GATA6: variants seen among roughly 807,000 people sequenced by gnomAD.
GATA6 encodes the protein transcription factor GATA-6.
GATA6 carries 11 observed loss-of-function variants against 48.1 expected under a neutral mutation model. The observed-to-expected ratio is 0.23, with a 90% CI of 0.14 to 0.38. The LOEUF (loss-of-function observed/expected upper bound fraction) is 0.38, where lower values mean the gene tolerates loss of function less well. GATA6 is among the 10% of genes least tolerant of loss of function. The pLI is 1.00. For missense variants in GATA6, 795 were observed against 850.3 expected, an observed-to-expected ratio of 0.93 and a Z score of 0.81; for synonymous variants, 419 against 396.1, an observed-to-expected ratio of 1.06 and a Z score of -0.69.
At chr18:22,192,561 T>C (rs752738859) in intron 6 of GATA6, among the ~76,000 whole-genome samples, 3 of 152,214 alleles carry the variant, frequency 2.0e-5, no homozygotes, top group Admixed American at 6.5e-5. Context: ...TTTAAGTGCA[T>C]TGTAAATGCT....
intron 6 of GATA6, among the ~76,000 whole-genome samples, chr18:22,197,353 A>AGCCAATT (rs2033403588): frequency 6.6e-6 from 1 of 152,160 alleles, no homozygotes; most frequent in South Asian, 2.1e-4. Flanking sequence ...CGCCTGGCCT[A>AGCCAATT]GCCAATTTAA....
intron 3 of GATA6, 30 bp downstream of exon 3, chr18:22,177,151 G>C (rs984833332): frequency 1.3e-6 from 2 of 1,534,630 alleles, no homozygotes; most frequent in Admixed American, 4.0e-5. Flanking sequence ...CCCCTGGCTC[G>C]CGGCCGGCCC....
At position 22,170,290 on chromosome 18, in the gene GATA6, G is replaced by C. The variant is rs977869757; in HGVS notation, c.-38+608G>C. Among the ~76,000 whole-genome samples, 2 of 152,210 alleles carry C rather than the reference G, an allele frequency of 1.3e-5. No homozygotes were observed. The highest frequency in any genetic ancestry group is 4.8e-5 in the African/African-American group (2 of 41,458). ...TTTCTGCTGCTGGAGATGACCGCGG[G>C]GTGGGCCGGGTGGCCCGGCCGGCGT... On this transcript the variant is annotated intron_variant, in intron 1 of 6. Coordinates refer to ENST00000269216, the MANE Select transcript of GATA6 (RefSeq NM_005257.6). This position sits in a 1 kb window ranked among gnomAD's most constrained non-coding sequence, Gnocchi z 6.7.
At chr18:22,179,495 T>G (rs2033167573) in intron 3 of GATA6, among the ~76,000 whole-genome samples, 1 of 152,226 alleles carries the variant, frequency 6.6e-6, no homozygotes, top group Admixed American at 6.5e-5. Context: ...TTGACAGTCA[T>G]AAAGTCCTTT....
At chr18:22,194,650 T>G (rs1299164869) in intron 6 of GATA6, among the ~76,000 whole-genome samples, 1 of 152,184 alleles carries the variant, frequency 6.6e-6, no homozygotes, top group Non-Finnish European at 1.5e-5. Flanking sequence ...TACGTGTGTT[T>G]GTATGTGTGT....
chr18:22,184,749 T>G (rs2033243228), intron 6 of GATA6, among the ~76,000 whole-genome samples: 2 of 152,044 alleles, frequency 1.3e-5, no homozygotes. Context: ...TCCACCTACC[T>G]CAGCCTCCCA....
Position 22,171,349 on chromosome 18 carries a change from G to T in GATA6, c.205G>T (p.Ala69Ser), listed in dbSNP as rs1487882095. The T allele has an allele frequency of 6.3e-7, 1 of 1,585,820 alleles. No individual in the cohort carries two copies. Among genetic ancestry groups the T allele is most frequent in the Admixed American group, 1.7e-5 (1 of 58,824 alleles). The change falls in exon 2 of 7, where the codon GCG becomes TCG. Residue 69 changes from alanine (A) to serine (S), a missense_variant. By Grantham distance (99) the Ala-to-Ser change is moderately conservative. Coordinates refer to ENST00000269216, the MANE Select transcript of GATA6 (RefSeq NM_005257.6). This position sits in a 1 kb window ranked among gnomAD's most constrained non-coding sequence, Gnocchi z 7.1. ...CGGGACGCCTCAGCTCGACACGGAG[G>T]CGGCGGCCGGACCCCCGGCCCGCTC... ...NCGTPQLDTE[A>S]AAGPPARSLL... is the part of the protein sequence containing the mutation.
At chr18:22,188,942 T>C (rs934366912) in intron 6 of GATA6, among the ~76,000 whole-genome samples, 1 of 152,180 alleles carries the variant, frequency 6.6e-6, no homozygotes, top group Admixed American at 6.5e-5. Context: ...GAAATGTGTT[T>C]CCTCACCTTT....
chr18:22,171,095 C>CCT lies in GATA6; in HGVS notation c.-37-13_-37-12insCT. ...GATCTCCTACCATACCCGTCTCCCC[C>CCT]ACCCCACCTCAGGAGCTAGACGTCA... On this transcript the variant is annotated splice_polypyrimidine_tract_variant and intron_variant, in intron 1 of 6. Coordinates refer to ENST00000269216, the MANE Select transcript of GATA6 (RefSeq NM_005257.6). The surrounding 1 kb of genome is among the most constrained non-coding windows in gnomAD (Gnocchi z 7.1). The CCT allele has an allele frequency of 6.5e-7, 1 of 1,538,132 alleles. No homozygotes were observed.
rs1339483342 is a variant in GATA6 at position 22,171,447 on chromosome 18, C to A, written c.303C>A (p.Gly101=). 4 of 1,595,190 alleles carry A rather than the reference C, an allele frequency of 2.5e-6. No homozygotes were observed. In the South Asian group the frequency reaches 3.3e-5, roughly 13 times the overall value. Residue 101 remains glycine (G), a synonymous_variant, in exon 2 of 7, where the codon GGC becomes GGA. Transcript: ENST00000269216. The surrounding 1 kb of genome is among the most constrained non-coding windows in gnomAD (Gnocchi z 7.1). ...GACCTTCGGCGCCTGGGGTCGCGGGCCCCGGGGGCAACCTGTCGAGCTGGG... is the reference window on the plus strand; with the variant it reads ...GACCTTCGGCGCCTGGGGTCGCGGGACCCGGGGGCAACCTGTCGAGCTGGG... ...PHGPSAPGVA[G]PGGNLSSWED... is the part of the protein sequence containing the mutation.
chr18:22,200,281 C>T (rs552119109), intron 6 of GATA6, among the ~76,000 whole-genome samples: 5 of 152,084 alleles, frequency 3.3e-5, no homozygotes, highest in African/African-American at 4.8e-5. Context: ...GCCTATTCAC[C>T]CACACAGTGA....
Position 22,171,811 on chromosome 18 carries a change from C to G in GATA6, c.667C>G (p.Pro223Ala). ...ANHAGGAGAH[P>A]GWPQASADSP... Reference sequence around the variant, plus strand: ...CCACGCGGGCGGCGCGGGCGCGCACCCCGGCTGGCCTCAGGCCTCGGCCGA... The same window carrying G: ...CCACGCGGGCGGCGCGGGCGCGCACGCCGGCTGGCCTCAGGCCTCGGCCGA... The change falls in exon 2 of 7, where the codon CCC becomes GCC. Residue 223 changes from proline (P) to alanine (A), a missense_variant. Coordinates refer to ENST00000269216, the MANE Select transcript of GATA6 (RefSeq NM_005257.6). This position sits in a 1 kb window ranked among gnomAD's most constrained non-coding sequence, Gnocchi z 7.1. 7.8e-7 allele frequency: 1 copy of G among 1,287,062 alleles called. No homozygotes were observed. Among genetic ancestry groups the G allele is most frequent in the South Asian group, 2.6e-5 (1 of 39,100 alleles). 79.7% of individuals were successfully genotyped at this position (1,287,062 alleles called of 1,614,324 possible).
At chr18:22,186,388 G>A (rs996155998) in intron 6 of GATA6, among the ~76,000 whole-genome samples, 1 of 152,144 alleles carries the variant, frequency 6.6e-6, no homozygotes. Flanking sequence ...GTAAAAAACT[G>A]TTCCAGAGGC....
At chr18:22,184,416 T>C (rs1016384079) in intron 6 of GATA6, among the ~76,000 whole-genome samples, 5 of 152,110 alleles carry the variant, frequency 3.3e-5, no homozygotes, top group African/African-American at 9.7e-5. Context: ...TGTTGTGTTT[T>C]ACAGGCAGGT....
chr18:22,171,349 G>A lies in GATA6; in HGVS notation c.205G>A (p.Ala69Thr), dbSNP rs1487882095. 1.9e-6 allele frequency: 3 copies of A among 1,585,820 alleles called. No homozygotes were observed. Among genetic ancestry groups the A allele is most frequent in the Non-Finnish European group, 2.6e-6 (3 of 1,173,318 alleles). Reference protein sequence around the residue: ...NCGTPQLDTEAAAGPPARSLL... With the variant: ...NCGTPQLDTETAAGPPARSLL... Reference sequence around the variant, plus strand: ...CGGGACGCCTCAGCTCGACACGGAGGCGGCGGCCGGACCCCCGGCCCGCTC... The same window carrying A: ...CGGGACGCCTCAGCTCGACACGGAGACGGCGGCCGGACCCCCGGCCCGCTC... Residue 69 changes from alanine to threonine, a missense_variant, in exon 2 of 7, where the codon GCG becomes ACG. Transcript: ENST00000269216. The surrounding 1 kb of genome is among the most constrained non-coding windows in gnomAD (Gnocchi z 7.1).
chr18:22,171,600 C>A lies in GATA6; in HGVS notation c.456C>A (p.Ala152=). 1.2e-6 allele frequency: 2 copies of A among 1,601,494 alleles called. No individual in the cohort carries two copies. The highest frequency in any genetic ancestry group is 1.3e-5 in the African/African-American group (1 of 74,912). The change falls in exon 2 of 7, where the codon GCC becomes GCA. Residue 152 remains alanine (A), a synonymous_variant. Coordinates refer to ENST00000269216, the MANE Select transcript of GATA6 (RefSeq NM_005257.6). This position sits in a 1 kb window ranked among gnomAD's most constrained non-coding sequence, Gnocchi z 7.1. ...CGGAGGAGATGTACCAGACCCTCGC[C>A]GCTCTCTCCAGCCAGGGTCCGGCCG... ...EQPEEMYQTL[A]ALSSQGPAAY...
Position 22,171,411 on chromosome 18 carries a change from G to T in GATA6, c.267G>T (p.Gly89=). 6.3e-7 allele frequency: 1 copy of T among 1,588,914 alleles called. No individual in the cohort carries two copies. The highest frequency in any genetic ancestry group is 8.5e-7 in the Non-Finnish European group (1 of 1,175,280). ...GTTCCTACGCTTCGCATCCCTTCGG[G>T]GCTCCCCACGGACCTTCGGCGCCTG... ...LLSSYASHPF[G]APHGPSAPGV... is the part of the protein sequence containing the mutation. The change falls in exon 2 of 7, where the codon GGG becomes GGT. Residue 89 remains glycine, a synonymous_variant. Transcript: ENST00000269216. The surrounding 1 kb of genome is among the most constrained non-coding windows in gnomAD (Gnocchi z 7.1).
At chr18:22,200,372 G>C (rs2033444487) in intron 6 of GATA6, among the ~76,000 whole-genome samples, 1 of 152,176 alleles carries the variant, frequency 6.6e-6, no homozygotes, top group African/African-American at 2.4e-5. Flanking sequence ...CTTTTGTCCA[G>C]CTTTGCATCT....
Position 22,172,021 on chromosome 18 carries a change from G to C in GATA6, c.877G>C (p.Val293Leu). ...AAAGSGGAGG[V>L]SGGGSSLAAM... ...GGCGGGCAGTGGGGGCGCGGGAGGC[G>C]TGAGCGGCGGCGGCAGTAGCCTGGC... Residue 293 changes from valine to leucine, a missense_variant, in exon 2 of 7, where the codon GTG (valine) becomes CTG (leucine). Coordinates refer to ENST00000269216, the MANE Select transcript of GATA6 (RefSeq NM_005257.6). The surrounding 1 kb of genome is among the most constrained non-coding windows in gnomAD (Gnocchi z 5.2). The C allele has an allele frequency of 8.0e-7, 1 of 1,247,506 alleles. No individual in the cohort carries two copies. The highest frequency in any genetic ancestry group is 1.0e-6 in the Non-Finnish European group (1 of 999,032). The allele number at this position is 1,247,506 out of a possible 1,614,324, so 77.3% of individuals were successfully genotyped here. A position where few individuals can be genotyped will look rare whatever the true frequency, so the allele number is the denominator to read the frequency against.
Sources: allele counts gnomAD v4.1 joint callset (sites outside exome capture counted in the v4.1 genomes callset), GRCh38; gene constraint gnomAD v4.1.1; non-coding constraint Gnocchi (gnomAD v3.1); transcripts MANE v1.5; gene names NCBI Gene and HGNC (gene_info 2026-07-23, HGNC 2026-07-21).